HDAC4: variants seen among roughly 807,000 people sequenced by gnomAD.
The protein encoded by HDAC4 is histone deacetylase 4.
A neutral mutation model predicts 135.1 loss-of-function variants in HDAC4; 16 were observed. That is an observed-to-expected ratio of 0.12 (90% CI 0.08 to 0.18). The LOEUF is 0.18. Ranked by LOEUF, HDAC4 falls within the 10% of genes least tolerant of loss-of-function variation. The pLI, the probability that HDAC4 is intolerant of heterozygous loss-of-function variation, is 1.00. For synonymous variants in HDAC4, 685 were observed against 653.4 expected, an observed-to-expected ratio of 1.05 and a Z score of -0.74; for missense variants, 1,143 against 1,511.8, an observed-to-expected ratio of 0.76 and a Z score of 4.05.
chr2:239,056,394 G>A (rs145778531), intron 24 of HDAC4, among the ~76,000 whole-genome samples: 1 of 152,338 alleles, frequency 6.6e-6, no homozygotes, highest in East Asian at 1.9e-4. Context: ...ACCTCGTGGT[G>A]CTGGGAAATC....
chr2:239,135,215 T>C (rs964617975), intron 9 of HDAC4, among the ~76,000 whole-genome samples: 2 of 152,182 alleles, frequency 1.3e-5, no homozygotes, highest in Admixed American at 6.5e-5. Flanking sequence ...AAACATCTCA[T>C]GTACCCCACA....
chr2:239,276,443 T>C (rs2125303022), intron 2 of HDAC4, among the ~76,000 whole-genome samples: 1 of 152,348 alleles, frequency 6.6e-6, no homozygotes, highest in Non-Finnish European at 1.5e-5. Flanking sequence ...GTATGGCCTG[T>C]GCCACCTTCA....
intron 1 of HDAC4, among the ~76,000 whole-genome samples, chr2:239,367,626 G>A (rs568367787): frequency 7.2e-5 from 11 of 152,114 alleles, no homozygotes; most frequent in Admixed American, 1.3e-4. Flanking sequence ...ACTGTTTGGC[G>A]AACAAAATTA....
At chr2:239,289,277 C>A (rs1206845315) in intron 2 of HDAC4, among the ~76,000 whole-genome samples, 1 of 152,158 alleles carries the variant, frequency 6.6e-6, no homozygotes, top group Non-Finnish European at 1.5e-5. Context: ...ACAAGGTTAT[C>A]TTTATGGCCT....
At chr2:239,243,635 C>T (rs558761200) in intron 2 of HDAC4, among the ~76,000 whole-genome samples, 3 of 152,332 alleles carry the variant, frequency 2.0e-5, no homozygotes, top group Admixed American at 6.5e-5. Context: ...AGTAACGACA[C>T]AGTCTTCATT....
chr2:239,214,130 C>G (rs1042248985), intron 3 of HDAC4, among the ~76,000 whole-genome samples: 5 of 152,216 alleles, frequency 3.3e-5, no homozygotes, highest in African/African-American at 1.2e-4. Context: ...CAGAGTCTGA[C>G]ATGGGGTTTA....
intron 2 of HDAC4, among the ~76,000 whole-genome samples, chr2:239,255,385 A>G (rs977341891): frequency 2.6e-5 from 4 of 152,128 alleles, no homozygotes; most frequent in African/African-American, 9.7e-5. Context: ...CATAGACCTT[A>G]AAATTAAAGG....
At chr2:239,111,767 T>G in intron 13 of HDAC4, 55 bp from the exon 14 acceptor site, 1 of 1,477,948 alleles carries the variant, frequency 6.8e-7, no homozygotes, top group Non-Finnish European at 9.3e-7. Context: ...GCCCCTGGGC[T>G]GCAGGGCTAG....
intron 5 of HDAC4, 107 bp from the exon 6 acceptor site, chr2:239,164,030 C>T: frequency 2.9e-6 from 4 of 1,390,750 alleles, no homozygotes; most frequent in Non-Finnish European, 4.1e-6. Flanking sequence ...GACGGCTATG[C>T]ACCTTCAGGA....
intron 12 of HDAC4, among the ~76,000 whole-genome samples, chr2:239,119,653 C>T (rs1553622438): frequency 6.6e-6 from 1 of 150,786 alleles, no homozygotes; most frequent in African/African-American, 2.4e-5. Context: ...GGGGACCAGA[C>T]CTAAGGGCTG....
chr2:239,189,794 G>A lies in HDAC4; in HGVS notation c.339+39C>T, dbSNP rs372032173. The A allele has an allele frequency of 2.2e-5, 34 of 1,580,026 alleles. 1 individual carries two copies. The highest frequency in any genetic ancestry group is 2.0e-4 in the Admixed American group (12 of 59,024). On this transcript the variant is annotated intron_variant, in intron 4 of 26. Coordinates refer to ENST00000543185, the MANE Select transcript of HDAC4 (RefSeq NM_001378414.1). Reference sequence around the variant, plus strand: ...GGAGTCACCGGGAGTTGAGGGTGCCGGAGGCCTGGCCCACCCGCAGCCCCG... The same window carrying A: ...GGAGTCACCGGGAGTTGAGGGTGCCAGAGGCCTGGCCCACCCGCAGCCCCG...
intron 2 of HDAC4, chr2:239,298,204 G>A: frequency 7.8e-7 from 1 of 1,289,206 alleles, no homozygotes; most frequent in East Asian, 5.6e-5. Flanking sequence ...AACAGCAGAG[G>A]CCCGTCTCGG....
At chr2:239,232,125 G>A (rs886104317) in intron 3 of HDAC4, among the ~76,000 whole-genome samples, 8 of 152,256 alleles carry the variant, frequency 5.3e-5, no homozygotes, top group Non-Finnish European at 7.3e-5. Flanking sequence ...AAGCCAGCTC[G>A]ACCTCCAGCC....
chr2:239,368,861 C>G (rs1053973415), intron 1 of HDAC4, among the ~76,000 whole-genome samples: 1 of 152,208 alleles, frequency 6.6e-6, no homozygotes, highest in Admixed American at 6.5e-5. Context: ...CCCAACTCTA[C>G]TCAAAACTAT....
chr2:239,159,684 C>A (rs534090422), intron 6 of HDAC4, among the ~76,000 whole-genome samples: 38 of 152,184 alleles, frequency 2.5e-4, no homozygotes, highest in Non-Finnish European at 4.7e-4. Flanking sequence ...AGCCCACACT[C>A]ACACTCACCC....
chr2:239,101,516 C>A (rs528612426), intron 16 of HDAC4, among the ~76,000 whole-genome samples: 1 of 152,166 alleles, frequency 6.6e-6, no homozygotes, highest in Non-Finnish European at 1.5e-5. Flanking sequence ...CACGGCCCAC[C>A]CTCTCCTTGC....
At chr2:239,390,482 G>T (rs1290562311) in intron 1 of HDAC4, among the ~76,000 whole-genome samples, 1 of 152,178 alleles carries the variant, frequency 6.6e-6, no homozygotes, top group Non-Finnish European at 1.5e-5. Context: ...GCAGTGAGTG[G>T]TGATTGTACT....
intron 8 of HDAC4, among the ~76,000 whole-genome samples, chr2:239,143,315 A>G (rs1018919787): frequency 7.2e-5 from 11 of 152,188 alleles, no homozygotes; most frequent in Admixed American, 2.0e-4. Context: ...GAGCTGGCCA[A>G]GCAAGGCACT....
At chr2:239,357,189 C>A (rs549956272) in intron 1 of HDAC4, among the ~76,000 whole-genome samples, 1 of 152,276 alleles carries the variant, frequency 6.6e-6, no homozygotes, top group South Asian at 2.1e-4. Context: ...AGTATGTTCA[C>A]TGACAAAACT....
Sources: allele counts gnomAD v4.1 joint callset (sites outside exome capture counted in the v4.1 genomes callset), GRCh38; gene constraint gnomAD v4.1.1; transcripts MANE v1.5; gene names NCBI Gene and HGNC (gene_info 2026-07-23, HGNC 2026-07-21).